The following MYH6 variants were observed in gnomAD, a reference collection of about 807,000 sequenced individuals.
MYH6 encodes myosin-6.
Under a neutral mutation model 223.2 loss-of-function variants are expected in MYH6, and 126 were observed. That is an observed-to-expected ratio of 0.56 (90% CI 0.49 to 0.65). The LOEUF is 0.65. Among genes scored for constraint, MYH6 ranks in the 30% least tolerant of loss-of-function variants. MYH6 has a pLI of 0.00. For synonymous variants in MYH6, 978 were observed against 1,010.2 expected (o/e 0.97, Z 0.61); for missense variants, 2,040 against 2,536.4 (o/e 0.80, Z 4.20).
chr14:23,405,134 G>T lies in MYH6; in HGVS notation c.503-7C>A. 6.2e-7 allele frequency: 1 copy of T among 1,614,026 alleles called. No individual in the cohort carries two copies. Among genetic ancestry groups the T allele is most frequent in the Non-Finnish European group, 8.5e-7 (1 of 1,180,034 alleles). ...ATGGACTGGTTCTCCCGATCTGGAA[G>T]AAAAAAGAGGAGAAGCAATGGGGTC... On this transcript the variant is annotated splice_polypyrimidine_tract_variant and splice_region_variant and intron_variant, in intron 5 of 38. Transcript: ENST00000405093. The surrounding 1 kb of genome is among the most constrained non-coding windows in gnomAD (Gnocchi z 4.7).
rs139049534 is a variant in MYH6 at position 23,394,149 on chromosome 14, G to A, written c.2604C>T (p.Ser868=). The change falls in exon 21 of 39, where the codon TCC becomes TCT. Residue 868 remains serine, a synonymous_variant. Coordinates refer to ENST00000405093, the MANE Select transcript of MYH6 (RefSeq NM_002471.4). ...CCTCCAGCTCCTTGCGGCGAGCCTC[G>A]GACTTCTCCAGCGTCTCTTTGATGC... ...FGRIKETLEK[S]EARRKELEEK... 9 of 1,614,024 alleles carry A rather than the reference G, an allele frequency of 5.6e-6. No individual in the cohort carries two copies. The highest frequency in any genetic ancestry group is 4.4e-5 in the South Asian group (4 of 91,084).
In MYH6 at chr14:23,388,301, C is replaced by A; in HGVS notation, c.4213G>T (p.Ala1405Ser). Residue 1405 changes from alanine (A) to serine (S), a missense_variant, in exon 30 of 39, where the codon GCC (alanine) becomes TCC (serine). Transcript: ENST00000405093. ...CACTTGGCATTAACAGCCTCCACGG[C>A]CTCCTCGGCATCCTGCAGCCGCTGG... The part of the protein sequence containing the change: ...LAQRLQDAEE[A>S]VEAVNAKCSS... 1 of 1,613,354 alleles carries A rather than the reference C, an allele frequency of 6.2e-7. No individual in the cohort carries two copies. Among genetic ancestry groups the A allele is most frequent in the Non-Finnish European group, 8.5e-7 (1 of 1,180,038 alleles).
At chr14:23,403,289 G>A in intron 10 of MYH6, 59 bp downstream of exon 10, 2 of 1,406,078 alleles carry the variant, frequency 1.4e-6, no homozygotes, top group Non-Finnish European at 2.0e-6. Context: ...CCTGCATGCA[G>A]GAGTCGTTGG....
In MYH6 at chr14:23,384,472, G is replaced by A. The variant is rs539962427; in HGVS notation, c.5535C>T (p.Ser1845=). 2 of 1,612,104 alleles carry A rather than the reference G, an allele frequency of 1.2e-6. No individual in the cohort carries two copies. The highest frequency in any genetic ancestry group is 1.7e-5 in the Admixed American group (1 of 60,028). The change falls in exon 36 of 39, where the codon AGC becomes AGT. Residue 1845 remains serine (S), a synonymous_variant. Transcript: ENST00000405093. The part of the protein sequence containing the change: ...NAESVKGMRK[S]ERRIKELTYQ... ...AGGTGAGCTCCTTGATGCGCCGCTC[G>A]CTCTTCCTCATGCCCTTCACCGACT...
Position 23,404,381 on chromosome 14 carries a change from A to C in MYH6, c.650T>G (p.Leu217Arg), listed in dbSNP as rs1891709490. 1 of 1,614,096 alleles carries C rather than the reference A, an allele frequency of 6.2e-7. No homozygotes were observed. Residue 217 changes from leucine to arginine, a missense_variant, in exon 8 of 39, where the codon CTG becomes CGG. Physicochemically the swap from Leu to Arg is moderately radical, Grantham distance 102. Coordinates refer to ENST00000405093, the MANE Select transcript of MYH6 (RefSeq NM_002471.4). ...GTTGGCCTGGATGATCTGGTCCTCC[A>C]GGGTGCCCTATGAAAGGAGCAGAAC... ...KDNANANKGT[L>R]EDQIIQANPA...
rs755267212 is a variant in MYH6, at chr14:23,390,117, G to A, written c.3672C>T (p.Ser1224=). 7.4e-6 allele frequency: 12 copies of A among 1,612,076 alleles called. No individual in the cohort carries two copies. Among genetic ancestry groups the A allele is most frequent in the East Asian group, 4.5e-5 (2 of 44,838 alleles). Residue 1224 remains serine (S), a synonymous_variant, in exon 26 of 39, where the codon AGC becomes AGT. Coordinates refer to ENST00000405093, the MANE Select transcript of MYH6 (RefSeq NM_002471.4). ...RVKQKLEKEK[S]EFKLELDDVT... ...CGTCATCCAGCTCCAGCTTGAACTCGCTCTTCTCCTTCTCCAGCTTCTGCT... is the reference window on the plus strand; with the variant it reads ...CGTCATCCAGCTCCAGCTTGAACTCACTCTTCTCCTTCTCCAGCTTCTGCT...
rs1164376264 is a variant in MYH6, at chr14:23,389,696, C to G, written c.3756G>C (p.Arg1252=). 1 of 1,614,144 alleles carries G rather than the reference C, an allele frequency of 6.2e-7. No homozygotes were observed. The highest frequency in any genetic ancestry group is 1.7e-5 in the Admixed American group (1 of 60,026). Residue 1252 remains arginine, a synonymous_variant, in exon 27 of 39, where the codon CGG becomes CGC. Transcript: ENST00000405093. ...ACTCATTGGCCTGGTCCTCCAGCGT[C>G]CGAGACACTTTCTCCAGGTTTGCCT... ...KAKANLEKVS[R]TLEDQANEYR... is the part of the protein sequence containing the mutation.
At chr14:23,396,151 G>T in intron 20 of MYH6, 133 bp downstream of exon 20, 2 of 1,059,834 alleles carry the variant, frequency 1.9e-6, no homozygotes, top group Non-Finnish European at 2.9e-6. Context: ...TTTGCAATGA[G>T]ATTCGAAGTG....
intron 32 of MYH6, 117 bp downstream of exon 32, chr14:23,387,412 A>G (rs1264351296): frequency 6.5e-7 from 1 of 1,528,058 alleles, no homozygotes; most frequent in Non-Finnish European, 8.9e-7. Flanking sequence ...GATAATGTTG[A>G]ACAAAGAATA....
At chr14:23,392,502 A>G in intron 25 of MYH6, 60 bp downstream of exon 25, 2 of 1,243,032 alleles carry the variant, frequency 1.6e-6, no homozygotes, top group Non-Finnish European at 2.4e-6. Context: ...CAGCTGCTGC[A>G]GCCTCAGTTA....
chr14:23,390,406 C>T lies in MYH6; in HGVS notation c.3383G>A (p.Arg1128His), dbSNP rs376002621. 4.8e-5 allele frequency: 77 copies of T among 1,611,036 alleles called. No individual in the cohort carries two copies. The African/African-American group carries it at 7.8e-4, about 16-fold the overall frequency. Residue 1128 changes from arginine to histidine, a missense_variant, in exon 26 of 39, where the codon CGC becomes CAC. Around this residue, in one of 4 missense-constraint regions of MYH6, gnomAD observed 1,203 missense variants for 1,400.2 expected, o/e 0.86. Coordinates refer to ENST00000405093, the MANE Select transcript of MYH6 (RefSeq NM_002471.4). ...CTTCTCCACCTTAGCCCTGGCGGTG[C>T]GCTCGGCCTCCAGCTCCTCCTCCAG... ...EELEEELEAERTARAKVEKLR... is the reference protein window; with the variant it reads ...EELEEELEAEHTARAKVEKLR...
intron 9 of MYH6, 32 bp from the exon 10 acceptor site, chr14:23,403,478 A>G: frequency 6.3e-7 from 1 of 1,580,524 alleles, no homozygotes; most frequent in Non-Finnish European, 8.7e-7. Flanking sequence ...AAGGCAGGTG[A>G]GGAAGGAAAG....
In MYH6 at chr14:23,388,997, CG is replaced by C; in HGVS notation, c.4036del (p.Arg1346GlyfsTer82). ...QSARHDCDLL[R>X]EQYEEETEAK... ...CTCTGTCTCCTCCTCGTACTGCTCC[CG>C]CAGCAGGTCGCAGTCATGCCGGGCC... On this transcript the variant is annotated frameshift_variant, in exon 29 of 39. Transcript: ENST00000405093. LOFTEE classifies it high-confidence loss of function. 1 of 1,613,480 alleles carries C rather than the reference CG, an allele frequency of 6.2e-7. No individual in the cohort carries two copies.
rs1426292856 is a variant in MYH6 at position 23,397,952 on chromosome 14, C to CTTT, written c.1892-340_1892-339insAAA. 7.5e-3 allele frequency among the ~76,000 whole-genome samples: 681 copies of CTTT among 91,214 alleles called. 13 individuals are homozygous for CTTT. Among genetic ancestry groups the CTTT allele is most frequent in the South Asian group, 0.014 (33 of 2,276 alleles). The allele number at this position is 91,214 out of a possible 152,430, so 59.8% of individuals were successfully genotyped here. On this transcript the variant is annotated intron_variant, in intron 15 of 38. Coordinates refer to ENST00000405093, the MANE Select transcript of MYH6 (RefSeq NM_002471.4). ...TCCTCCTCTTCTTCTTCTTCTTCTT[C>CTTT]TTCTTCTTCTTCTTCTTCTTCTTCT...
chr14:23,382,196 G>T, intron 38 of MYH6, 133 bp from the exon 39 acceptor site: 1 of 1,140,360 alleles, frequency 8.8e-7, no homozygotes, highest in Non-Finnish European at 1.3e-6. Flanking sequence ...GGATCCTGTG[G>T]TCCCACGTTA....
rs750333285 is a variant in MYH6 at position 23,388,960 on chromosome 14, C to T, written c.4074G>A (p.Glu1358=). Residue 1358 remains glutamate, a synonymous_variant, in exon 29 of 39, where the codon GAG becomes GAA. Transcript: ENST00000405093. ...QYEEETEAKA[E]LQRVLSKANS... is the part of the protein sequence containing the mutation. ...TGGCCTTGGACAGGACGCGCTGCAG[C>T]TCGGCCTTGGCCTCTGTCTCCTCCT... 6.2e-6 allele frequency: 10 copies of T among 1,613,610 alleles called. No homozygotes were observed. In the South Asian group the frequency reaches 8.8e-5, roughly 14 times the overall value.
intron 7 of MYH6, 132 bp downstream of exon 7, chr14:23,404,579 C>T (rs1190169904): frequency 3.4e-5 from 37 of 1,095,828 alleles, no homozygotes; most frequent in Non-Finnish European, 4.9e-5. Flanking sequence ...GTCTTCCATA[C>T]TGGGCTGACC....
In MYH6 at chr14:23,383,334, GGT is replaced by G. The variant is rs753315747; in HGVS notation, c.5566-16_5566-15del. Reference sequence around the variant, plus strand: ...GTCTTCCTCTGTCTGGGGGTGGGAGGGTGGGAGAAGCTGGTTTGGAGGGGGAG... The same window carrying G: ...GTCTTCCTCTGTCTGGGGGTGGGAGGGGGAGAAGCTGGTTTGGAGGGGGAG... On this transcript the variant is annotated splice_polypyrimidine_tract_variant and intron_variant, in intron 36 of 38. Transcript: ENST00000405093. The G allele has an allele frequency of 4.0e-6, 2 of 495,996 alleles. No individual in the cohort carries two copies. Among genetic ancestry groups the G allele is most frequent in the Non-Finnish European group, 4.1e-6 (1 of 246,800 alleles). The allele number at this position is 495,996 out of a possible 1,614,324, so 30.7% of individuals were successfully genotyped here.
In MYH6 at chr14:23,394,374, CAATCATGGGCCCTACTAA is replaced by C. The variant is rs757007459; in HGVS notation, c.2430-69_2430-52del. 8.1e-5 allele frequency: 130 copies of C among 1,610,710 alleles called. 1 individual carries two copies. In the South Asian group the frequency reaches 9.1e-4, roughly 11 times the overall value. ...TGGGGCACTATAAAAGAGAGCTTCCCAATCATGGGCCCTACTAAGCAAGTTCGTAGGCACGTAGACTTC... is the reference window on the plus strand; with the variant it reads ...TGGGGCACTATAAAAGAGAGCTTCCCGCAAGTTCGTAGGCACGTAGACTTC... On this transcript the variant is annotated intron_variant, in intron 20 of 38. Coordinates refer to ENST00000405093, the MANE Select transcript of MYH6 (RefSeq NM_002471.4).
Sources: allele counts gnomAD v4.1 joint callset (sites outside exome capture counted in the v4.1 genomes callset), GRCh38; gene constraint gnomAD v4.1.1; regional missense constraint gnomAD v4.1.1; non-coding constraint Gnocchi (gnomAD v3.1); transcripts MANE v1.5; gene names NCBI Gene and HGNC (gene_info 2026-07-23, HGNC 2026-07-21).